Variants in ZFAND6 observed in about 807,000 individuals in gnomAD.
The protein encoded by ZFAND6 is AN1-type zinc finger protein 6.
In ZFAND6, 12 loss-of-function variants were observed where a neutral mutation model predicts 24.5. The observed-to-expected ratio is 0.49, with a 90% CI of 0.31 to 0.79. The LOEUF is 0.79. ZFAND6 is among the 30% of genes least tolerant of loss of function. The pLI, the probability that ZFAND6 is intolerant of heterozygous loss-of-function variation, is 0.04. For missense variants in ZFAND6, 207 were observed against 245.9 expected (o/e 0.84, Z 1.06); for synonymous variants, 92 against 81.5 (o/e 1.13, Z -0.69).
chr15:80,116,171 A>C (rs1369240329), intron 2 of ZFAND6, among the ~76,000 whole-genome samples: 1 of 147,214 alleles, frequency 6.8e-6, no homozygotes, highest in Non-Finnish European at 1.5e-5. Context: ...AGGTCTGTTT[A>C]TGTATTTTAT....
intron 1 of ZFAND6, among the ~76,000 whole-genome samples, chr15:80,083,403 TTATGA>T (rs1373478037): frequency 6.6e-6 from 1 of 152,170 alleles, no homozygotes; most frequent in Non-Finnish European, 1.5e-5. Flanking sequence ...TGCTAAGAAC[TTATGA>T]TATGTTGGGG....
chr15:80,126,151 C>T (rs2040362046), intron 5 of ZFAND6, among the ~76,000 whole-genome samples: 1 of 152,166 alleles, frequency 6.6e-6, no homozygotes, highest in Non-Finnish European at 1.5e-5. Context: ...ACAGGATGAA[C>T]TAGAATTCTC....
intron 1 of ZFAND6, among the ~76,000 whole-genome samples, chr15:80,084,112 G>A (rs1291533262): frequency 1.3e-5 from 2 of 152,176 alleles, no homozygotes; most frequent in Non-Finnish European, 2.9e-5. Context: ...CAGTATTATA[G>A]CACTCTGCTT....
intron 1 of ZFAND6, among the ~76,000 whole-genome samples, chr15:80,098,036 A>G (rs1352765024): frequency 3.9e-5 from 6 of 152,218 alleles, no homozygotes; most frequent in Non-Finnish European, 5.9e-5. Flanking sequence ...TATGACATGT[A>G]TACTTGAGAC....
At chr15:80,086,564 A>G (rs865829603) in intron 1 of ZFAND6, among the ~76,000 whole-genome samples, 1 of 152,166 alleles carries the variant, frequency 6.6e-6, no homozygotes, top group Non-Finnish European at 1.5e-5. Context: ...CTTTCTTGAC[A>G]TTTCATATAA....
At chr15:80,126,577 C>T (rs907516020) in intron 5 of ZFAND6, among the ~76,000 whole-genome samples, 14 of 152,182 alleles carry the variant, frequency 9.2e-5, no homozygotes, top group South Asian at 4.1e-4. Context: ...GCAGGAACAA[C>T]TTCATATCCA....
intron 1 of ZFAND6, among the ~76,000 whole-genome samples, chr15:80,093,331 AT>A (rs1157421940): frequency 6.6e-6 from 1 of 152,104 alleles, no homozygotes; most frequent in Admixed American, 6.5e-5. Context: ...AACTTGAATT[AT>A]TTTGTAATAT....
chr15:80,120,437 A>C lies in ZFAND6; in HGVS notation c.93A>C (p.Ser31=). 1 of 1,602,714 alleles carries C rather than the reference A, an allele frequency of 6.2e-7. No homozygotes were observed. Among genetic ancestry groups the C allele is most frequent in the Non-Finnish European group, 8.5e-7 (1 of 1,172,552 alleles). Residue 31 remains serine, a synonymous_variant, in exon 3 of 7, where the codon TCA becomes TCC. Transcript: ENST00000261749. ...ACCCTCGTACAAATGGCATGTGTTC[A>C]GTATGCTATAAAGAACATCTTCAAA... ...YGNPRTNGMC[S]VCYKEHLQRQ...
chr15:80,129,121 T>A (rs1017546477), intron 5 of ZFAND6, among the ~76,000 whole-genome samples: 1 of 152,214 alleles, frequency 6.6e-6, no homozygotes, highest in African/African-American at 2.4e-5. Flanking sequence ...CAGATAGGCT[T>A]ATCTGATACT....
chr15:80,068,773 A>G (rs1044783011), intron 1 of ZFAND6, among the ~76,000 whole-genome samples: 16 of 152,240 alleles, frequency 1.1e-4, no homozygotes, highest in East Asian at 1.9e-4. Context: ...TTAAATTTCA[A>G]TGTGACTACT....
intron 1 of ZFAND6, among the ~76,000 whole-genome samples, chr15:80,089,830 C>G (rs1776053080): frequency 6.6e-6 from 1 of 152,122 alleles, no homozygotes; most frequent in Non-Finnish European, 1.5e-5. Flanking sequence ...AGAATCCAGC[C>G]TAACTCTCCA....
intron 2 of ZFAND6, among the ~76,000 whole-genome samples, chr15:80,115,866 A>G (rs757744526): frequency 3.3e-5 from 5 of 152,102 alleles, no homozygotes; most frequent in Admixed American, 1.3e-4. Context: ...TAGTGGTCAT[A>G]TTGTACTTTC....
chr15:80,111,481 G>A (rs1363586152), intron 2 of ZFAND6: 1 of 455,432 alleles, frequency 2.2e-6, no homozygotes, highest in Admixed American at 2.4e-5. Context: ...GGAGTCGCCG[G>A]TAGCCACCTA....
At chr15:80,105,706 C>CT (rs1337740356) in intron 2 of ZFAND6, among the ~76,000 whole-genome samples, 1 of 152,124 alleles carries the variant, frequency 6.6e-6, no homozygotes, top group Admixed American at 6.5e-5. Context: ...TGAGTCAGTT[C>CT]TTTTTTCTTT....
intron 1 of ZFAND6, among the ~76,000 whole-genome samples, chr15:80,062,944 A>G (rs1261364472): frequency 6.6e-6 from 1 of 152,192 alleles, no homozygotes; most frequent in Non-Finnish European, 1.5e-5. Flanking sequence ...CTGCCTCACC[A>G]TCTTATTTCA....
chr15:80,085,817 G>T lies in ZFAND6; in HGVS notation c.-180-12599G>T, dbSNP rs181291426. ...TCATGTGCCACATAATGACATGTTG[G>T]TCAGTGATGGACTGCATATAGACTG... On this transcript the variant is annotated intron_variant, in intron 1 of 6. Coordinates refer to ENST00000261749, the MANE Select transcript of ZFAND6 (RefSeq NM_019006.4). 5.1e-4 allele frequency among the ~76,000 whole-genome samples: 77 copies of T among 152,146 alleles called. 1 individual carries two copies. The East Asian group carries it at 0.013, about 25-fold the overall frequency.
intron 1 of ZFAND6, among the ~76,000 whole-genome samples, chr15:80,093,936 T>C (rs1339892686): frequency 6.6e-6 from 1 of 152,192 alleles, no homozygotes; most frequent in Non-Finnish European, 1.5e-5. Context: ...CTGTGAGTCA[T>C]ACCTTATCAT....
At chr15:80,088,381 A>G (rs2038132846) in intron 1 of ZFAND6, among the ~76,000 whole-genome samples, 1 of 152,152 alleles carries the variant, frequency 6.6e-6, no homozygotes, top group African/African-American at 2.4e-5. Context: ...CAGCTTGACC[A>G]ACATGGTGAA....
intron 6 of ZFAND6, among the ~76,000 whole-genome samples, chr15:80,135,516 G>A (rs2040822677): frequency 6.6e-6 from 1 of 152,232 alleles, no homozygotes; most frequent in African/African-American, 2.4e-5. Flanking sequence ...GCTGAACACT[G>A]CATAAAAATT....
Sources: gnomAD v4.1 joint callset for allele counts (sites outside exome capture counted in the v4.1 genomes callset) on GRCh38, gnomAD v4.1.1 for gene constraint, MANE v1.5 for transcripts, NCBI Gene and HGNC (gene_info 2026-07-23, HGNC 2026-07-21) for gene names.